The following COL22A1 variants were observed in gnomAD, a reference collection of about 807,000 sequenced individuals.
COL22A1 encodes the protein collagen alpha-1(XXII) chain.
Under a neutral mutation model 248.9 loss-of-function variants are expected in COL22A1, and 221 were observed. The observed-to-expected ratio is 0.89, with a 90% CI of 0.80 to 0.99. The LOEUF is 0.99. COL22A1 is among the 50% of genes least tolerant of loss of function. COL22A1 has a pLI of 0.00. For synonymous variants in COL22A1, 891 were observed against 793.4 expected (o/e 1.12, Z -2.07); for missense variants, 2,240 against 2,179.0 (o/e 1.03, Z -0.56).
At chr8:138,891,346 G>A (rs1316278709) in intron 1 of COL22A1, among the ~76,000 whole-genome samples, 1 of 152,120 alleles carries the variant, frequency 6.6e-6, no homozygotes, top group Non-Finnish European at 1.5e-5. Flanking sequence ...GATGAACCTG[G>A]GTTCAGGGAG....
intron 12 of COL22A1, among the ~76,000 whole-genome samples, chr8:138,793,310 A>T (rs778446585): frequency 3.3e-5 from 5 of 151,836 alleles, no homozygotes; most frequent in Admixed American, 6.6e-5. Context: ...CCCTCGGCCC[A>T]CTCTGGTCTC....
chr8:138,626,569 C>A (rs1314777628), intron 50 of COL22A1, among the ~76,000 whole-genome samples: 1 of 152,186 alleles, frequency 6.6e-6, no homozygotes, highest in African/African-American at 2.4e-5. Flanking sequence ...AGACCTGGGT[C>A]CAGATCCAAC....
At chr8:138,828,667 G>T (rs180980690) in intron 5 of COL22A1, among the ~76,000 whole-genome samples, 6 of 151,908 alleles carry the variant, frequency 3.9e-5, no homozygotes, top group African/African-American at 1.4e-4. Context: ...TATTAAAGGC[G>T]TGAACCCGGG....
At chr8:138,774,566 C>T (rs1814232040) in intron 16 of COL22A1, among the ~76,000 whole-genome samples, 1 of 151,988 alleles carries the variant, frequency 6.6e-6, no homozygotes, top group East Asian at 1.9e-4. Context: ...CTACAGGCGC[C>T]CGCCACCAAG....
chr8:138,763,461 G>A (rs1273846738), intron 16 of COL22A1, among the ~76,000 whole-genome samples: 2 of 152,162 alleles, frequency 1.3e-5, no homozygotes, highest in Non-Finnish European at 2.9e-5. Context: ...TAGGTAGTGA[G>A]TCAGTGCCAT....
chr8:138,774,934 A>G (rs1814280023), intron 16 of COL22A1, among the ~76,000 whole-genome samples: 1 of 152,014 alleles, frequency 6.6e-6, no homozygotes, highest in African/African-American at 2.4e-5. Context: ...GTGGAGGGAC[A>G]CTCCCCATGT....
chr8:138,779,703 GC>G, intron 13 of COL22A1, 141 bp from the exon 14 acceptor site: 1 of 619,262 alleles, frequency 1.6e-6, no homozygotes, highest in Non-Finnish European at 3.0e-6. Flanking sequence ...AGTGAGCAGG[GC>G]CCGGGCTCCC....
At chr8:138,743,639 A>C (rs992150747) in intron 22 of COL22A1, among the ~76,000 whole-genome samples, 8 of 152,172 alleles carry the variant, frequency 5.3e-5, no homozygotes, top group Non-Finnish European at 1.2e-4. Context: ...TGCTAGAAAA[A>C]ATAAATTTTG....
intron 16 of COL22A1, among the ~76,000 whole-genome samples, chr8:138,772,191 G>A (rs114116098): frequency 5.3e-4 from 81 of 152,328 alleles, no homozygotes; most frequent in African/African-American, 1.6e-3. Flanking sequence ...TTCCTGCATC[G>A]TCTCTCGCAT....
intron 33 of COL22A1, 93 bp from the exon 34 acceptor site, chr8:138,694,654 G>A: frequency 7.0e-7 from 1 of 1,418,572 alleles, no homozygotes; most frequent in Non-Finnish European, 9.8e-7. Context: ...GGTATAATTT[G>A]AGATCCAAGG....
At chr8:138,752,873 G>A (rs914287835) in intron 21 of COL22A1, among the ~76,000 whole-genome samples, 4 of 152,206 alleles carry the variant, frequency 2.6e-5, no homozygotes, top group African/African-American at 9.7e-5. Flanking sequence ...AGAAGGCCCC[G>A]AGCTAGGTGC....
intron 34 of COL22A1, among the ~76,000 whole-genome samples, 181 bp downstream of exon 34, chr8:138,694,327 T>C (rs1427207473): frequency 6.6e-6 from 1 of 152,152 alleles, no homozygotes; most frequent in Non-Finnish European, 1.5e-5. Flanking sequence ...CCTGGCCCCA[T>C]GGCTGTGTCT....
At chr8:138,622,178 C>T (rs1431645066) in intron 52 of COL22A1, among the ~76,000 whole-genome samples, 1 of 152,210 alleles carries the variant, frequency 6.6e-6, no homozygotes, top group Non-Finnish European at 1.5e-5. Flanking sequence ...TCACCAGGAG[C>T]TACAACTAGG....
chr8:138,755,049 G>T (rs1056236721), intron 21 of COL22A1, 108 bp downstream of exon 21: 1 of 1,107,582 alleles, frequency 9.0e-7, no homozygotes, highest in African/African-American at 1.6e-5. Flanking sequence ...TGATGTGAAG[G>T]CGCTTGAGAT....
intron 4 of COL22A1, among the ~76,000 whole-genome samples, chr8:138,838,888 C>T (rs931841018): frequency 6.6e-6 from 1 of 152,164 alleles, no homozygotes; most frequent in African/African-American, 2.4e-5. Context: ...TCACTGGCTG[C>T]ACCTGCTGTG....
intron 45 of COL22A1, among the ~76,000 whole-genome samples, chr8:138,654,975 A>ACTCTGGTCCTGGCCCAGCAGGG (rs1237250597): frequency 6.6e-6 from 1 of 152,156 alleles, no homozygotes; most frequent in Non-Finnish European, 1.5e-5. Flanking sequence ...GCCCAGCAGG[A>ACTCTGGTCCTGGCCCAGCAGGG]CCCAGGTCCA....
At position 138,616,913 on chromosome 8, in the gene COL22A1, C is replaced by G; in HGVS notation, c.3870+1G>C. On this transcript the variant is annotated splice_donor_variant, in intron 54 of 64. Transcript: ENST00000303045. LOFTEE classifies it high-confidence loss of function. ...ACCTCCAAAGTGAGGCGCCCACTTA[C>G]CCGGGGACCGGGTGCACCAGAATCG... The G allele has an allele frequency of 1.2e-6, 2 of 1,614,146 alleles. No homozygotes were observed. The highest frequency in any genetic ancestry group is 1.7e-6 in the Non-Finnish European group (2 of 1,180,040).
At chr8:138,879,690 C>CAAAAAAAAAAAAAAAAAAAA (rs372214665) in intron 2 of COL22A1, among the ~76,000 whole-genome samples, 1 of 99,044 alleles carries the variant, frequency 1.0e-5, no homozygotes, top group African/African-American at 4.5e-5. Context: ...GACACTCTCT[C>CAAAAAAAAAAAAAAAAAAAA]AAAAAAAAAA....
rs575073614 is a variant in COL22A1, at chr8:138,660,367, T to C, written c.3285+69A>G. ...GTTAAAACCTCTTGAACTTTCTGAG[T>C]TGCATTTTTTCTCTTGCTTACGCCC... On this transcript the variant is annotated intron_variant, in intron 44 of 64. Coordinates refer to ENST00000303045, the MANE Select transcript of COL22A1 (RefSeq NM_152888.3). 9.0e-5 allele frequency: 123 copies of C among 1,370,644 alleles called. 2 individuals are homozygous for C. In the South Asian group the frequency reaches 1.4e-3, roughly 15 times the overall value. The allele number at this position is 1,370,644 out of a possible 1,614,324, so 84.9% of individuals were successfully genotyped here.
Sources: gnomAD v4.1 joint callset for allele counts (sites outside exome capture counted in the v4.1 genomes callset) on GRCh38, gnomAD v4.1.1 for gene constraint, MANE v1.5 for transcripts, NCBI Gene and HGNC (gene_info 2026-07-23, HGNC 2026-07-21) for gene names.